TANC2: variants seen among roughly 807,000 people sequenced by gnomAD.
TANC2 encodes the protein tetratricopeptide repeat, ankyrin repeat and coiled-coil containing 2.
TANC2 carries 26 observed loss-of-function variants against 210.5 expected under a neutral mutation model. The observed-to-expected ratio is 0.12, with a 90% CI of 0.09 to 0.17. TANC2 has a LOEUF of 0.17. Ranked by LOEUF, TANC2 falls within the 10% of genes least tolerant of loss-of-function variation. The pLI is 1.00. For synonymous variants in TANC2, 931 were observed against 967.1 expected, an observed-to-expected ratio of 0.96 and a Z score of 0.69; for missense variants, 2,129 against 2,608.9, an observed-to-expected ratio of 0.82 and a Z score of 4.01.
exon 28 of TANC2, chr17:63,424,151 C>G (rs576522702): frequency 1.3e-5 from 2 of 152,218 alleles, no homozygotes; most frequent in African/African-American, 2.4e-5. Flanking sequence ...ACCACCCGCA[C>G]TCACCTGTCC....
intron 4 of TANC2, among the ~76,000 whole-genome samples, chr17:63,126,661 G>C (rs987113319): frequency 6.6e-6 from 1 of 151,986 alleles, no homozygotes; most frequent in African/African-American, 2.4e-5. Flanking sequence ...AGCCTGCCTC[G>C]GCCTCCCAAA....
intron 9 of TANC2, among the ~76,000 whole-genome samples, chr17:63,274,514 CTTAAAATT>C (rs1254923796): frequency 6.6e-6 from 1 of 152,098 alleles, no homozygotes; most frequent in Non-Finnish European, 1.5e-5. Context: ...AAGTTTTTAA[CTTAAAATT>C]TTAAAATTAG....
At chr17:62,992,119 C>G (rs557482113) in intron 1 of TANC2, among the ~76,000 whole-genome samples, 4 of 152,242 alleles carry the variant, frequency 2.6e-5, no homozygotes, top group African/African-American at 7.2e-5. Flanking sequence ...AGGTTATGTG[C>G]AAACACTGTA....
chr17:63,146,722 C>A (rs1451194947), intron 4 of TANC2, among the ~76,000 whole-genome samples: 2 of 152,000 alleles, frequency 1.3e-5, no homozygotes, highest in African/African-American at 2.4e-5. Context: ...TATTTTAATG[C>A]CCTTATATTT....
intron 5 of TANC2, among the ~76,000 whole-genome samples, chr17:63,193,181 A>G (rs2041240361): frequency 6.6e-6 from 1 of 152,178 alleles, no homozygotes; most frequent in African/African-American, 2.4e-5. Context: ...AAATAACCCT[A>G]CTGATTCTCT....
At chr17:63,108,080 C>CA (rs1337303745) in intron 4 of TANC2, among the ~76,000 whole-genome samples, 1 of 151,730 alleles carries the variant, frequency 6.6e-6, no homozygotes, top group Non-Finnish European at 1.5e-5. Flanking sequence ...TGTCAAAAAT[C>CA]AGACCTTGGC....
At chr17:63,336,040 A>G (rs573322364) in intron 11 of TANC2, among the ~76,000 whole-genome samples, 1 of 152,366 alleles carries the variant, frequency 6.6e-6, no homozygotes, top group African/African-American at 2.4e-5. Context: ...TATTCTTAGC[A>G]TCTAGTCCCA....
intron 2 of TANC2, among the ~76,000 whole-genome samples, chr17:63,020,078 C>T (rs943435525): frequency 2.9e-4 from 44 of 152,306 alleles, no homozygotes; most frequent in African/African-American, 9.4e-4. Context: ...AGGCATGTGC[C>T]GCCATGCCTG....
chr17:63,321,956 A>G (rs899918608), intron 11 of TANC2, among the ~76,000 whole-genome samples: 1 of 152,104 alleles, frequency 6.6e-6, no homozygotes, highest in African/African-American at 2.4e-5. Context: ...TCTAATTCCT[A>G]TGCTTTGTGG....
At chr17:63,385,384 C>G (rs1215412744) in intron 15 of TANC2, among the ~76,000 whole-genome samples, 1 of 152,184 alleles carries the variant, frequency 6.6e-6, no homozygotes, top group Non-Finnish European at 1.5e-5. Flanking sequence ...GCTAAGCTTC[C>G]TGGTCTTCCA....
At chr17:63,416,139 G>A (rs17549091) in intron 26 of TANC2, among the ~76,000 whole-genome samples, 3,136 of 152,178 alleles carry the variant, frequency 0.021, 41 homozygotes, top group South Asian at 0.038. Flanking sequence ...CGAACTTTTC[G>A]CCTCTTTCCT....
At chr17:63,204,019 A>T (rs753353366) in intron 7 of TANC2, among the ~76,000 whole-genome samples, 4 of 152,302 alleles carry the variant, frequency 2.6e-5, no homozygotes, top group Non-Finnish European at 4.4e-5. Context: ...TTTGTTTAGA[A>T]GTTGTGGCAA....
At chr17:63,033,956 C>T (rs1434580796) in intron 2 of TANC2, among the ~76,000 whole-genome samples, 1 of 152,160 alleles carries the variant, frequency 6.6e-6, no homozygotes, top group Non-Finnish European at 1.5e-5. Flanking sequence ...TGTGTAGCTA[C>T]CACCACAATT....
chr17:63,087,252 G>A (rs1399025637), intron 3 of TANC2, among the ~76,000 whole-genome samples: 1 of 152,146 alleles, frequency 6.6e-6, no homozygotes, highest in African/African-American at 2.4e-5. Context: ...TTTGCTGAAA[G>A]GTAGACATGA....
chr17:63,122,082 C>G (rs1212831671), intron 4 of TANC2, among the ~76,000 whole-genome samples: 1 of 152,098 alleles, frequency 6.6e-6, no homozygotes, highest in Non-Finnish European at 1.5e-5. Flanking sequence ...GGAAGGCTTA[C>G]TCAGTTCAAA....
chr17:63,125,642 C>G (rs533283567), intron 4 of TANC2, among the ~76,000 whole-genome samples: 171 of 152,236 alleles, frequency 1.1e-3, no homozygotes, highest in African/African-American at 4.0e-3. Context: ...GTTTATATTA[C>G]TTCCTGTGGG....
chr17:63,309,181 A>G (rs1197540873), intron 9 of TANC2, among the ~76,000 whole-genome samples: 1 of 152,030 alleles, frequency 6.6e-6, no homozygotes, highest in African/African-American at 2.4e-5. Context: ...GTGTGTATGT[A>G]TGTATGTGTT....
At chr17:63,289,368 A>T (rs1406037726) in intron 9 of TANC2, among the ~76,000 whole-genome samples, 4 of 151,544 alleles carry the variant, frequency 2.6e-5, no homozygotes. Context: ...GGTTTTTTTC[A>T]GTCTTCGTTC....
At chr17:63,047,978 G>A (rs939840375) in intron 2 of TANC2, among the ~76,000 whole-genome samples, 1 of 152,134 alleles carries the variant, frequency 6.6e-6, no homozygotes, top group Non-Finnish European at 1.5e-5. Flanking sequence ...TAGTAAACTG[G>A]GGTTGGGGTG....
Sources: allele counts gnomAD v4.1 joint callset (sites outside exome capture counted in the v4.1 genomes callset), GRCh38; gene constraint gnomAD v4.1.1; transcripts MANE v1.5; gene names NCBI Gene and HGNC (gene_info 2026-07-23, HGNC 2026-07-21).